Variants in DSCAM observed in about 807,000 individuals in gnomAD.
The protein encoded by DSCAM is cell adhesion molecule DSCAM.
In DSCAM, 47 loss-of-function variants were observed where a neutral mutation model predicts 217.7. That is an observed-to-expected ratio of 0.22 (90% CI 0.17 to 0.28). DSCAM has a LOEUF of 0.28. DSCAM is among the 10% of genes least tolerant of loss of function. The probability of loss-of-function intolerance (pLI) is 1.00; values close to 1 mark genes in which losing one functional copy is unlikely to be tolerated. For synonymous variants in DSCAM, 1,056 were observed against 1,015.3 expected (o/e 1.04, Z -0.76); for missense variants, 2,080 against 2,618.3 (o/e 0.79, Z 4.49).
At chr21:40,715,589 T>C (rs1477074046) in intron 1 of DSCAM, among the ~76,000 whole-genome samples, 1 of 152,220 alleles carries the variant, frequency 6.6e-6, no homozygotes, top group Non-Finnish European at 1.5e-5. Flanking sequence ...TAAGTCAGAA[T>C]ATGAAAATTA....
At position 40,347,801 on chromosome 21, in the gene DSCAM, A is replaced by T. The variant is rs1190464657; in HGVS notation, c.1079T>A (p.Val360Glu). The T allele has an allele frequency of 8.1e-6, 13 of 1,614,016 alleles. 1 individual carries two copies. In the East Asian group the frequency reaches 2.7e-4, roughly 33 times the overall value. ...TTCGTGGTTGATCCCTGTGATCCTC[A>T]CATTTTTTCCAGGGTTGAGGATTTC... ...NGEILNPGKN[V>E]RITGINHENL... Residue 360 changes from valine (V) to glutamate (E), a missense_variant, in exon 6 of 33, where the codon GTG (valine) becomes GAG (glutamate). By Grantham distance (121) the Val-to-Glu change is moderately radical (BLOSUM62 -2). This residue lies in a region of DSCAM where 568 missense variants were observed against 678.1 expected (regional missense o/e 0.84). Transcript: ENST00000400454.
chr21:40,814,984 A>G (rs1934446105), intron 1 of DSCAM, among the ~76,000 whole-genome samples: 1 of 152,232 alleles, frequency 6.6e-6, no homozygotes, highest in South Asian at 2.1e-4. Flanking sequence ...ACAAGTGAAG[A>G]AAAGCCCTTG....
At chr21:40,297,027 T>C (rs1756431881) in intron 9 of DSCAM, among the ~76,000 whole-genome samples, 1 of 152,074 alleles carries the variant, frequency 6.6e-6, no homozygotes, top group African/African-American at 2.4e-5. Context: ...GGACTGAACT[T>C]TTCCCAAAAT....
At chr21:40,342,610 A>ATGTGTG (rs58080164) in intron 6 of DSCAM, among the ~76,000 whole-genome samples, 44 of 116,840 alleles carry the variant, frequency 3.8e-4, no homozygotes, top group African/African-American at 6.6e-4. Context: ...GTATGTGTAT[A>ATGTGTG]TGTGTGTGTG....
intron 11 of DSCAM, among the ~76,000 whole-genome samples, chr21:40,272,739 C>T (rs898193832): frequency 2.6e-5 from 4 of 152,102 alleles, no homozygotes; most frequent in Non-Finnish European, 5.9e-5. Context: ...CTGACATCAT[C>T]CAATTAGACA....
intron 3 of DSCAM, among the ~76,000 whole-genome samples, chr21:40,687,014 C>T (rs768035931): frequency 6.6e-6 from 1 of 152,190 alleles, no homozygotes; most frequent in Non-Finnish European, 1.5e-5. Flanking sequence ...CATGACATCT[C>T]TGTGCCTTTC....
At chr21:40,310,121 T>C (rs2074121751) in intron 9 of DSCAM, among the ~76,000 whole-genome samples, 1 of 152,348 alleles carries the variant, frequency 6.6e-6, no homozygotes, top group African/African-American at 2.4e-5. Flanking sequence ...AGGAGCTTCA[T>C]CCTGGTCATC....
chr21:40,447,126 C>CCA (rs372504385), intron 3 of DSCAM, among the ~76,000 whole-genome samples: 6 of 152,238 alleles, frequency 3.9e-5, no homozygotes, highest in African/African-American at 1.2e-4. Flanking sequence ...TGTAGGGAAC[C>CCA]CACCAATGAA....
intron 3 of DSCAM, among the ~76,000 whole-genome samples, chr21:40,420,725 C>T (rs1482852431): frequency 1.3e-5 from 2 of 152,118 alleles, no homozygotes; most frequent in African/African-American, 4.8e-5. Context: ...AATTTGGACA[C>T]AAACGGACAT....
At chr21:40,068,814 A>G (rs9974743) in intron 27 of DSCAM, among the ~76,000 whole-genome samples, 34,511 of 152,132 alleles carry the variant, frequency 0.23, 5,119 homozygotes, top group African/African-American at 0.39. Flanking sequence ...GGCTGGACGC[A>G]GTGGCTCATG....
At position 40,774,253 on chromosome 21, in the gene DSCAM, G is replaced by A. The variant is rs111535371; in HGVS notation, c.44-65482C>T. Among the ~76,000 whole-genome samples the A allele has an allele frequency of 8.6e-3, 1,310 of 152,328 alleles. 21 individuals carry two copies. Among genetic ancestry groups the A allele is most frequent in the African/African-American group, 0.029 (1,213 of 41,564 alleles). On this transcript the variant is annotated intron_variant, in intron 1 of 32. Coordinates refer to ENST00000400454, the MANE Select transcript of DSCAM (RefSeq NM_001389.5). ...GAAAGAGCATAGAAGTGATAGAGGG[G>A]AAGAACAAGCATAATTCATAGTGGA... is the stretch of plus-strand genomic sequence containing the variant.
At chr21:40,644,359 A>T (rs1269531063) in intron 3 of DSCAM, among the ~76,000 whole-genome samples, 1 of 152,204 alleles carries the variant, frequency 6.6e-6, no homozygotes, top group Non-Finnish European at 1.5e-5. Flanking sequence ...TAGAAAATGG[A>T]TAGCTAACCA....
chr21:40,786,286 G>C (rs2091593742), intron 1 of DSCAM, among the ~76,000 whole-genome samples: 1 of 146,964 alleles, frequency 6.8e-6, no homozygotes, highest in Non-Finnish European at 1.5e-5. Flanking sequence ...AAGAAAAAAA[G>C]GAAGGAAGGA....
rs3069725 is a variant in DSCAM at position 40,157,697 on chromosome 21, C to CT, written c.3018+9520dup. Among the ~76,000 whole-genome samples the CT allele has an allele frequency of 1.5e-3, 218 of 146,820 alleles. 3 individuals are homozygous for CT. The highest frequency in any genetic ancestry group is 0.015 in the East Asian group (69 of 4,652). ...TTGTCTCTCTTTCCTTTTCTTTTTT[C>CT]TTTTTTTTTTTTTTCCTGAGACAGT... On this transcript the variant is annotated intron_variant, in intron 16 of 32. Coordinates refer to ENST00000400454, the MANE Select transcript of DSCAM (RefSeq NM_001389.5).
At chr21:40,822,318 CAAAAA>C (rs61569827) in intron 1 of DSCAM, among the ~76,000 whole-genome samples, 3 of 57,844 alleles carry the variant, frequency 5.2e-5, no homozygotes, top group African/African-American at 6.9e-5. Flanking sequence ...GATCTTTTCT[CAAAAA>C]AAAAAAAAAA....
At chr21:40,493,965 G>C (rs1278068643) in intron 3 of DSCAM, among the ~76,000 whole-genome samples, 3 of 150,798 alleles carry the variant, frequency 2.0e-5, no homozygotes, top group African/African-American at 7.3e-5. Flanking sequence ...TATGTCATTA[G>C]TAGCTTAAAA....
At chr21:40,603,710 TTTGTTGCTG>T (rs1303671293) in intron 3 of DSCAM, among the ~76,000 whole-genome samples, 6 of 152,130 alleles carry the variant, frequency 3.9e-5, no homozygotes, top group African/African-American at 1.4e-4. Flanking sequence ...TGGTGGGTTT[TTTGTTGCTG>T]TTGTTACTGT....
intron 3 of DSCAM, among the ~76,000 whole-genome samples, chr21:40,431,072 C>T (rs1450303760): frequency 3.3e-5 from 5 of 152,142 alleles, no homozygotes; most frequent in African/African-American, 4.8e-5. Context: ...AGAATCTCTG[C>T]GAAGATAAAT....
intron 11 of DSCAM, among the ~76,000 whole-genome samples, chr21:40,206,821 G>A (rs984386827): frequency 3.9e-5 from 6 of 152,216 alleles, no homozygotes; most frequent in African/African-American, 1.4e-4. Context: ...TGAGGTGGGA[G>A]GACCCCTTGG....
Sources: allele counts gnomAD v4.1 joint callset (sites outside exome capture counted in the v4.1 genomes callset), GRCh38; gene constraint gnomAD v4.1.1; regional missense constraint gnomAD v4.1.1; transcripts MANE v1.5; gene names NCBI Gene and HGNC (gene_info 2026-07-23, HGNC 2026-07-21).